The following LMBR1 variants were observed in gnomAD, a reference collection of about 807,000 sequenced individuals.
LMBR1 encodes the protein limb development membrane protein 1.
A neutral mutation model predicts 73.9 loss-of-function variants in LMBR1; 52 were observed. The ratio of observed to expected loss-of-function variants is 0.70; its 90% CI spans 0.56 to 0.89. LMBR1 has a LOEUF of 0.89. Among genes scored for constraint, LMBR1 ranks in the 40% least tolerant of loss-of-function variants. LMBR1 has a pLI of 0.00. For synonymous variants in LMBR1, 215 were observed against 209.4 expected, an observed-to-expected ratio of 1.03 and a Z score of -0.23; for missense variants, 539 against 579.8, an observed-to-expected ratio of 0.93 and a Z score of 0.72.
chr7:156,686,291 T>C (rs1255318624), intron 16 of LMBR1, among the ~76,000 whole-genome samples: 2 of 152,158 alleles, frequency 1.3e-5, no homozygotes, highest in African/African-American at 4.8e-5. Flanking sequence ...TCACCACAGC[T>C]AAATTTCTAG....
intron 1 of LMBR1, among the ~76,000 whole-genome samples, chr7:156,880,095 A>G (rs1224494321): frequency 6.6e-6 from 1 of 152,244 alleles, no homozygotes; most frequent in Admixed American, 6.5e-5. Flanking sequence ...TGTGGAACCA[A>G]CACAAATGCC....
intron 1 of LMBR1, among the ~76,000 whole-genome samples, chr7:156,853,997 ACAT>A (rs1025236632): frequency 9.9e-5 from 15 of 151,406 alleles, no homozygotes; most frequent in Admixed American, 6.6e-4. Flanking sequence ...CCACCTATAT[ACAT>A]CATATGCCAT....
downstream of LMBR1, among the ~76,000 whole-genome samples, chr7:156,674,510 C>A (rs1803352639): frequency 6.6e-6 from 1 of 152,166 alleles, no homozygotes; most frequent in Non-Finnish European, 1.5e-5. Flanking sequence ...GCTGGTGTGG[C>A]CCTGAATGAG....
Position 156,682,012 on chromosome 7 carries a change from C to A in LMBR1, c.*2066G>T, listed in dbSNP as rs560208746. The stretch of plus-strand genomic sequence containing the variant: ...ACCGTGATTACGCAGCAGCCCAAGG[C>A]TGTAACAATCTATTTGTTCTCAAGG... On this transcript the variant is annotated 3_prime_UTR_variant, in exon 17 of 17. Transcript: ENST00000353442. The A allele has an allele frequency of 1.3e-5, 2 of 152,242 alleles. No individual in the cohort carries two copies. 9.4% of individuals were successfully genotyped at this position (152,242 alleles called of 1,614,324 possible). A position where few individuals can be genotyped will look rare whatever the true frequency, so the allele number is the denominator to read the frequency against.
intron 15 of LMBR1, among the ~76,000 whole-genome samples, chr7:156,714,354 G>T (rs899434810): frequency 1.3e-5 from 2 of 152,214 alleles, no homozygotes; most frequent in Non-Finnish European, 2.9e-5. Flanking sequence ...AGTCTTGAAT[G>T]ACATGTTAGG....
At chr7:156,856,103 G>A (rs1165112002) in intron 1 of LMBR1, among the ~76,000 whole-genome samples, 1 of 123,366 alleles carries the variant, frequency 8.1e-6, no homozygotes, top group African/African-American at 3.2e-5. Flanking sequence ...GCTGAGGCAG[G>A]AGAATGGCGT....
chr7:156,846,283 A>C (rs1795469748), intron 1 of LMBR1, among the ~76,000 whole-genome samples: 1 of 151,982 alleles, frequency 6.6e-6, no homozygotes, highest in East Asian at 1.9e-4. Context: ...GTCTTTTAAA[A>C]AAACAAACAA....
At chr7:156,708,793 G>A (rs977389245) in intron 15 of LMBR1, among the ~76,000 whole-genome samples, 2 of 152,284 alleles carry the variant, frequency 1.3e-5, no homozygotes, top group Admixed American at 6.5e-5. Flanking sequence ...CTTTCTCAGC[G>A]GGGAAGCTTA....
chr7:156,761,873 A>C (rs1158981747), intron 8 of LMBR1, among the ~76,000 whole-genome samples: 4 of 151,102 alleles, frequency 2.6e-5, no homozygotes, highest in Non-Finnish European at 5.9e-5. Context: ...GCTACTCGGG[A>C]GGCTGAGGCA....
chr7:156,754,463 C>T (rs535582599), intron 9 of LMBR1, among the ~76,000 whole-genome samples: 385 of 152,228 alleles, frequency 2.5e-3, no homozygotes, highest in African/African-American at 8.9e-3. Flanking sequence ...GCCACACTGA[C>T]ACCCCAAAGA....
rs1821516702 is a variant in LMBR1, at chr7:156,754,623, A to G, written c.757+1770T>C. 4.6e-5 allele frequency among the ~76,000 whole-genome samples: 7 copies of G among 152,302 alleles called. No homozygotes were observed. The South Asian group carries it at 1.4e-3, about 32-fold the overall frequency. ...TTTTTAATAGCAAGAGTAAAACAAT[A>G]AACTCTTTACTTTTGTTTTATAAAT... On this transcript the variant is annotated intron_variant, in intron 9 of 16. Coordinates refer to ENST00000353442, the MANE Select transcript of LMBR1 (RefSeq NM_022458.4).
At chr7:156,738,799 C>G (rs1042346947) in intron 9 of LMBR1, among the ~76,000 whole-genome samples, 1 of 152,074 alleles carries the variant, frequency 6.6e-6, no homozygotes, top group African/African-American at 2.4e-5. Flanking sequence ...AGCCCTTGGG[C>G]CCCAAAGATC....
chr7:156,794,102 G>C (rs989462942), intron 5 of LMBR1, among the ~76,000 whole-genome samples: 1 of 152,114 alleles, frequency 6.6e-6, no homozygotes, highest in Non-Finnish European at 1.5e-5. Context: ...GCAGTCGTCC[G>C]GGGCTCCACC....
intron 16 of LMBR1, among the ~76,000 whole-genome samples, 163 bp from the exon 17 acceptor site, chr7:156,684,326 T>A (rs1398527981): frequency 2.6e-5 from 4 of 152,198 alleles, no homozygotes; most frequent in Non-Finnish European, 4.4e-5. Flanking sequence ...TTCTCCCTAC[T>A]GGCAACCTCC....
intron 5 of LMBR1, among the ~76,000 whole-genome samples, chr7:156,782,146 A>G (rs2133201286): frequency 6.6e-6 from 1 of 152,336 alleles, no homozygotes. Flanking sequence ...AGCATGTGTC[A>G]TAATTTCCTT....
At chr7:156,721,719 C>T (rs556067268) in intron 15 of LMBR1, among the ~76,000 whole-genome samples, 132 of 151,868 alleles carry the variant, frequency 8.7e-4, no homozygotes, top group African/African-American at 3.1e-3. Flanking sequence ...AAAATAAAAC[C>T]ATCATTTATA....
Position 156,893,127 on chromosome 7 carries a change from T to G in LMBR1, c.-134A>C. On this transcript the variant is annotated 5_prime_UTR_variant, in exon 1 of 17. Coordinates refer to ENST00000353442, the MANE Select transcript of LMBR1 (RefSeq NM_022458.4). Reference sequence around the variant, plus strand: ...GGCCCGCGAGCCGTGTTGGAACAGGTACCGCGACCACGACACCGGCCGTCG... The same window carrying G: ...GGCCCGCGAGCCGTGTTGGAACAGGGACCGCGACCACGACACCGGCCGTCG... 1.2e-6 allele frequency: 1 copy of G among 828,120 alleles called. No homozygotes were observed. Among genetic ancestry groups the G allele is most frequent in the Non-Finnish European group, 1.6e-6 (1 of 610,204 alleles). The allele number at this position is 828,120 out of a possible 1,614,324, so 51.3% of individuals were successfully genotyped here. A position where few individuals can be genotyped will look rare whatever the true frequency, so the allele number is the denominator to read the frequency against.
chr7:156,770,881 T>C (rs745692002), intron 5 of LMBR1, among the ~76,000 whole-genome samples: 5 of 152,074 alleles, frequency 3.3e-5, no homozygotes, highest in Non-Finnish European at 7.3e-5. Flanking sequence ...GCTAGTGCAC[T>C]CTAACCTGGG....
In LMBR1 at chr7:156,678,589, A is replaced by T. The variant is rs1177050085; in HGVS notation, c.*5489T>A. ...GCCTCATCAGGTCTCTTCTATAAAA[A>T]CTGGGACACTGACCAAGAAAGAGTG... On this transcript the variant is annotated 3_prime_UTR_variant, in exon 17 of 17. Transcript: ENST00000353442. 3 of 152,156 alleles carry T rather than the reference A, an allele frequency of 2.0e-5. No individual in the cohort carries two copies. Among genetic ancestry groups the T allele is most frequent in the African/African-American group, 7.2e-5 (3 of 41,432 alleles). 9.4% of individuals were successfully genotyped at this position (152,156 alleles called of 1,614,324 possible).
Sources: allele counts gnomAD v4.1 joint callset (sites outside exome capture counted in the v4.1 genomes callset), GRCh38; gene constraint gnomAD v4.1.1; transcripts MANE v1.5; gene names NCBI Gene and HGNC (gene_info 2026-07-23, HGNC 2026-07-21).